DST: variants seen among roughly 807,000 people sequenced by gnomAD.
DST encodes the protein dystonin.
Under a neutral mutation model 875.2 loss-of-function variants are expected in DST, and 253 were observed. That is an observed-to-expected ratio of 0.29 (90% CI 0.26 to 0.32). The LOEUF is 0.32. Among genes scored for constraint, DST ranks in the 10% least tolerant of loss-of-function variants. The probability of loss-of-function intolerance (pLI) is 1.00; values close to 1 mark genes in which losing one functional copy is unlikely to be tolerated. For synonymous variants in DST, 3,124 were observed against 3,197.1 expected, an observed-to-expected ratio of 0.98 and a Z score of 0.77; for missense variants, 8,287 against 9,111.6, an observed-to-expected ratio of 0.91 and a Z score of 3.68.
chr6:56,682,851 A>C (rs771621429), intron 9 of DST, among the ~76,000 whole-genome samples: 1 of 152,186 alleles, frequency 6.6e-6, no homozygotes, highest in African/African-American at 2.4e-5. Context: ...GGACATAATA[A>C]ATATGAGAGA....
At chr6:56,486,340 G>T (rs988912110) in intron 87 of DST, among the ~76,000 whole-genome samples, 2 of 136,002 alleles carry the variant, frequency 1.5e-5, no homozygotes, top group Non-Finnish European at 3.1e-5. Flanking sequence ...TCCAGCCTGG[G>T]TGACAGAGCG....
At chr6:56,560,011 A>G (rs2097510096) in intron 58 of DST, among the ~76,000 whole-genome samples, 1 of 152,160 alleles carries the variant, frequency 6.6e-6, no homozygotes, top group African/African-American at 2.4e-5. Flanking sequence ...AAAAAGAAAC[A>G]TTAATGAAAA....
chr6:56,702,067 T>C (rs1229116475), intron 7 of DST, 102 bp from the exon 8 acceptor site: 6 of 691,074 alleles, frequency 8.7e-6, no homozygotes, highest in African/African-American at 3.6e-5. Flanking sequence ...AAAACAGTAT[T>C]TACCGTTTAG....
intron 4 of DST, among the ~76,000 whole-genome samples, chr6:56,761,276 C>T (rs1244240403): frequency 6.6e-6 from 1 of 152,218 alleles, no homozygotes; most frequent in Non-Finnish European, 1.5e-5. Flanking sequence ...TTAAGCCACT[C>T]CCAAATTCGT....
intron 4 of DST, among the ~76,000 whole-genome samples, chr6:56,825,502 TAAAAAAAAAAAA>T (rs749148452): frequency 9.1e-6 from 1 of 109,348 alleles, no homozygotes; most frequent in African/African-American, 3.7e-5. Context: ...CAATAAATAC[TAAAAAAAAAAAA>T]AAAAAAAAAA....
In DST at chr6:56,601,481, T is replaced by C. The variant is rs202121476; in HGVS notation, c.11503A>G (p.Thr3835Ala). The change falls in exon 44 of 104, where the codon ACT becomes GCT. Residue 3835 changes from threonine to alanine, a missense_variant. Physicochemically the swap from Thr to Ala is moderately conservative, Grantham distance 58 (BLOSUM62 0). This residue lies in a region of DST where 3,138 missense variants were observed against 3,116.6 expected (regional missense o/e 1.01). Transcript: ENST00000680361. ...AGATCTTGTTCTAGATGTAACTGAG[T>C]CTCTAAACGTTCCACCTGGGTAGTT... ...SVTTQVERLE[T>A]QLHLEQDLDD... 1,035 of 1,603,934 alleles carry C rather than the reference T, an allele frequency of 6.5e-4. 3 individuals are homozygous for C. The highest frequency in any genetic ancestry group is 8.0e-4 in the Non-Finnish European group (940 of 1,175,294).
intron 93 of DST, 120 bp downstream of exon 93, chr6:56,473,753 T>G: frequency 1.1e-6 from 1 of 916,894 alleles, no homozygotes; most frequent in South Asian, 1.6e-5. Context: ...TAGAAAGTAT[T>G]TCATGATATC....
intron 4 of DST, among the ~76,000 whole-genome samples, chr6:56,769,839 G>T (rs1287146875): frequency 2.0e-5 from 3 of 152,174 alleles, no homozygotes; most frequent in Non-Finnish European, 4.4e-5. Flanking sequence ...AAGAAGGAAA[G>T]AAAAAATGTA....
intron 5 of DST, among the ~76,000 whole-genome samples, chr6:56,704,703 G>A (rs1484067039): frequency 6.6e-6 from 1 of 152,168 alleles, no homozygotes; most frequent in East Asian, 1.9e-4. Context: ...ACAGTGACCA[G>A]TGCCACCTTA....
In DST at chr6:56,526,376, A is replaced by G; in HGVS notation, c.18114T>C (p.Ile6038=). ...TQKVEEIDAA[I]LRSQQFDQAA... ...TTTTCCCTACCTGCTGTGATCGCAGAATGGCTGCATCGATCTCCTCCACCT... is the reference window on the plus strand; with the variant it reads ...TTTTCCCTACCTGCTGTGATCGCAGGATGGCTGCATCGATCTCCTCCACCT... Residue 6038 remains isoleucine (I), a synonymous_variant, in exon 69 of 104, where the codon ATT becomes ATC. Transcript: ENST00000680361. 6.2e-7 allele frequency: 1 copy of G among 1,613,770 alleles called. No individual in the cohort carries two copies. The highest frequency in any genetic ancestry group is 8.5e-7 in the Non-Finnish European group (1 of 1,179,788).
At chr6:56,837,632 T>A (rs1445903300) in intron 4 of DST, among the ~76,000 whole-genome samples, 2 of 152,170 alleles carry the variant, frequency 1.3e-5, no homozygotes, top group African/African-American at 4.8e-5. Flanking sequence ...TTCATCCATA[T>A]CCATCTTCCT....
intron 8 of DST, 93 bp downstream of exon 8, chr6:56,701,795 G>T: frequency 1.3e-6 from 1 of 753,092 alleles, no homozygotes. Flanking sequence ...CAATTCACAG[G>T]CAAATTTAAC....
intron 3 of DST, 114 bp downstream of exon 3, chr6:56,900,307 A>G (rs891769184): frequency 4.5e-6 from 4 of 894,742 alleles, no homozygotes; most frequent in East Asian, 5.1e-5. Flanking sequence ...CTTGTTGGGA[A>G]TAACAACAAC....
chr6:56,471,945 A>C, intron 94 of DST, 114 bp downstream of exon 94: 1 of 1,039,166 alleles, frequency 9.6e-7, no homozygotes, highest in Non-Finnish European at 1.5e-6. Flanking sequence ...TCAAATAGCA[A>C]GAGTTTGCTT....
chr6:56,760,416 C>G (rs2099614515), intron 4 of DST, among the ~76,000 whole-genome samples: 1 of 152,148 alleles, frequency 6.6e-6, no homozygotes, highest in East Asian at 1.9e-4. Flanking sequence ...AGCCACTAAA[C>G]CCCAGTAAGA....
chr6:56,767,130 T>C (rs1336785914), intron 4 of DST, among the ~76,000 whole-genome samples: 1 of 152,232 alleles, frequency 6.6e-6, no homozygotes, highest in African/African-American at 2.4e-5. Context: ...TAAGATCTAA[T>C]GAATCAGCAT....
At chr6:56,825,820 G>A (rs1205266731) in intron 4 of DST, among the ~76,000 whole-genome samples, 1 of 152,222 alleles carries the variant, frequency 6.6e-6, no homozygotes, top group African/African-American at 2.4e-5. Flanking sequence ...GTTTAAGAAA[G>A]TGGCTCTTAG....
chr6:56,598,492 T>A lies in DST; in HGVS notation c.11912A>T (p.Lys3971Met). 7.0e-6 allele frequency: 11 copies of A among 1,570,194 alleles called. No homozygotes were observed. Among genetic ancestry groups the A allele is most frequent in the African/African-American group, 1.4e-5 (1 of 73,610 alleles). ...ELDKVVTTAI[K>M]EETEKVAAVK... The stretch of plus-strand genomic sequence containing the variant: ...AATAAGGACCTTTTCAGTTTCTTCC[T>A]TGATTGCTGTTGTCACAACTTTATC... The change falls in exon 46 of 104, where the codon AAG becomes ATG. Residue 3971 changes from lysine to methionine, a missense_variant. Around this residue, in one of 10 missense-constraint regions of DST, gnomAD observed 1,513 missense variants for 1,677.8 expected, o/e 0.90. Transcript: ENST00000680361.
chr6:56,580,587 T>A (rs936603829), intron 49 of DST, among the ~76,000 whole-genome samples: 11 of 145,280 alleles, frequency 7.6e-5, no homozygotes, highest in South Asian at 6.6e-4. Context: ...AATAAAAATT[T>A]AAAAAAATAA....
Sources: gnomAD v4.1 joint callset for allele counts (sites outside exome capture counted in the v4.1 genomes callset) on GRCh38, gnomAD v4.1.1 for gene constraint, gnomAD v4.1.1 regional missense constraint, MANE v1.5 for transcripts, NCBI Gene and HGNC (gene_info 2026-07-23, HGNC 2026-07-21) for gene names.